Variants in CACNA1I observed in about 807,000 individuals in gnomAD.
CACNA1I encodes calcium voltage-gated channel subunit alpha1 I, also known as voltage-dependent T-type calcium channel subunit alpha-1I.
CACNA1I carries 74 observed loss-of-function variants against 201.6 expected under a neutral mutation model. The observed-to-expected ratio is 0.37, with a 90% CI of 0.30 to 0.45. The LOEUF (loss-of-function observed/expected upper bound fraction) is 0.45, where lower values mean the gene tolerates loss of function less well. Ranked by LOEUF, CACNA1I falls within the 20% of genes least tolerant of loss-of-function variation. The probability of loss-of-function intolerance (pLI) is 1.00; values close to 1 mark genes in which losing one functional copy is unlikely to be tolerated. For synonymous variants in CACNA1I, 1,431 were observed against 1,345.2 expected, an observed-to-expected ratio of 1.06 and a Z score of -1.40; for missense variants, 2,346 against 3,138.1, an observed-to-expected ratio of 0.75 and a Z score of 6.03.
chr22:39,629,006 C>T lies in CACNA1I; in HGVS notation c.581-5559C>T, dbSNP rs1490796276. Among the ~76,000 whole-genome samples the T allele has an allele frequency of 6.6e-6, 1 of 152,170 alleles. No individual in the cohort carries two copies. Among genetic ancestry groups the T allele is most frequent in the East Asian group, 1.9e-4 (1 of 5,174 alleles). Reference sequence around the variant, plus strand: ...CTGTCAGGAAGTGCTTCCTGTTCTTCCTGCCACCTCCTCTCAGGTGTCCCC... The same window carrying T: ...CTGTCAGGAAGTGCTTCCTGTTCTTTCTGCCACCTCCTCTCAGGTGTCCCC... On this transcript the variant is annotated intron_variant, in intron 4 of 36. Coordinates refer to ENST00000402142, the MANE Select transcript of CACNA1I (RefSeq NM_021096.4). This position sits in a 1 kb window ranked among gnomAD's most constrained non-coding sequence, Gnocchi z 4.8.
At chr22:39,652,039 CT>C (rs136833) in intron 10 of CACNA1I, among the ~76,000 whole-genome samples, 65 of 145,426 alleles carry the variant, frequency 4.5e-4, no homozygotes, top group Non-Finnish European at 5.6e-4. Flanking sequence ...CTGGTGGAGC[CT>C]TTTTTTTTTT....
At chr22:39,644,714 G>A in intron 7 of CACNA1I, among the ~76,000 whole-genome samples, 1 of 151,348 alleles carries the variant, frequency 6.6e-6, no homozygotes, top group Non-Finnish European at 1.5e-5. Context: ...TAGAGACAAG[G>A]TCTGGCTCTG....
intron 2 of CACNA1I, 120 bp downstream of exon 2, chr22:39,598,382 G>C (rs563727625): frequency 3.5e-6 from 2 of 565,870 alleles, no homozygotes; most frequent in Non-Finnish European, 3.1e-6. Flanking sequence ...TCCATGCCCC[G>C]CCCCGCTCCG....
At chr22:39,655,427 G>A (rs1934787250) in intron 10 of CACNA1I, among the ~76,000 whole-genome samples, 1 of 152,178 alleles carries the variant, frequency 6.6e-6, no homozygotes, top group African/African-American at 2.4e-5. Flanking sequence ...CAGCCCTTCA[G>A]CATGTCTGCC....
intron 4 of CACNA1I, among the ~76,000 whole-genome samples, chr22:39,623,483 T>G (rs1311115002): frequency 6.6e-6 from 1 of 150,824 alleles, no homozygotes; most frequent in Non-Finnish European, 1.5e-5. Context: ...GTGCTGTGTC[T>G]GCCTGGGAGG....
At position 39,673,087 on chromosome 22, in the gene CACNA1I, G is replaced by A; in HGVS notation, c.4783+5G>A. 1 of 1,612,190 alleles carries A rather than the reference G, an allele frequency of 6.2e-7. No individual in the cohort carries two copies. The highest frequency in any genetic ancestry group is 8.5e-7 in the Non-Finnish European group (1 of 1,178,926). On this transcript the variant is annotated splice_donor_5th_base_variant and intron_variant, in intron 28 of 36. Coordinates refer to ENST00000402142, the MANE Select transcript of CACNA1I (RefSeq NM_021096.4). ...GGGTTCTGCGCATTGCCCGAGGTGA[G>A]GGGCAAGGGGTGGGACAGGGAACGG...
intron 1 of CACNA1I, among the ~76,000 whole-genome samples, chr22:39,583,221 AATCC>A (rs151147807): frequency 1.8e-5 from 2 of 113,430 alleles, no homozygotes; most frequent in Non-Finnish European, 3.8e-5. Flanking sequence ...TCCATCCAAC[AATCC>A]ATCCATCCAT....
chr22:39,586,170 C>A (rs1932748065), intron 1 of CACNA1I, among the ~76,000 whole-genome samples: 1 of 151,262 alleles, frequency 6.6e-6, no homozygotes, highest in Middle Eastern at 3.2e-3. Flanking sequence ...GAGCAAGACT[C>A]CATCTCAAAA....
rs542066979 is a variant in CACNA1I at position 39,603,798 on chromosome 22, C to T, written c.482+3145C>T. 7.9e-5 allele frequency among the ~76,000 whole-genome samples: 12 copies of T among 152,186 alleles called. 1 individual carries two copies. Among genetic ancestry groups the T allele is most frequent in the South Asian group, 6.2e-4 (3 of 4,818 alleles). The stretch of plus-strand genomic sequence containing the variant: ...TCAGCAGAATTAGGAAAACAGACAT[C>T]GGAGAAAGAATGTAGGAAGAAAGTG... On this transcript the variant is annotated intron_variant, in intron 3 of 36. Coordinates refer to ENST00000402142, the MANE Select transcript of CACNA1I (RefSeq NM_021096.4).
In CACNA1I at chr22:39,662,760, G is replaced by T; in HGVS notation, c.3373-16G>T. 2 of 1,548,778 alleles carry T rather than the reference G, an allele frequency of 1.3e-6. No individual in the cohort carries two copies. Among genetic ancestry groups the T allele is most frequent in the Non-Finnish European group, 8.8e-7 (1 of 1,142,446 alleles). On this transcript the variant is annotated splice_polypyrimidine_tract_variant and intron_variant, in intron 17 of 36. Transcript: ENST00000402142. ...GCGCATCGCTGACCCCCGGCGCTCC[G>T]TCCTCCTCTTGCTAGACCCTGTGCT...
At chr22:39,578,680 C>T (rs1932443987) in intron 1 of CACNA1I, among the ~76,000 whole-genome samples, 1 of 152,120 alleles carries the variant, frequency 6.6e-6, no homozygotes, top group African/African-American at 2.4e-5. Flanking sequence ...CCCTGCTCCA[C>T]TGCTCCCTGC....
chr22:39,638,331 A>G (rs538802786), intron 5 of CACNA1I, among the ~76,000 whole-genome samples: 1 of 152,326 alleles, frequency 6.6e-6, no homozygotes, highest in East Asian at 1.9e-4. Context: ...TCTCCACTGA[A>G]TTGCAGGGGT....
At chr22:39,592,984 C>A (rs545073652) in intron 1 of CACNA1I, among the ~76,000 whole-genome samples, 1 of 152,352 alleles carries the variant, frequency 6.6e-6, no homozygotes, top group African/African-American at 2.4e-5. Context: ...TCTGGCCTGA[C>A]TTCTAAGCCT....
At position 39,659,360 on chromosome 22, in the gene CACNA1I, C is replaced by T; in HGVS notation, c.2331-73C>T. ...CCTGCCCTGCATTTTACTGAGTTGACTGAGAATGAAACAAGGTGAGTAGGC... is the reference window on the plus strand; with the variant it reads ...CCTGCCCTGCATTTTACTGAGTTGATTGAGAATGAAACAAGGTGAGTAGGC... On this transcript the variant is annotated intron_variant, in intron 12 of 36. Coordinates refer to ENST00000402142, the MANE Select transcript of CACNA1I (RefSeq NM_021096.4). The surrounding 1 kb of genome is among the most constrained non-coding windows in gnomAD (Gnocchi z 4.3). 1 of 1,108,936 alleles carries T rather than the reference C, an allele frequency of 9.0e-7. No individual in the cohort carries two copies. Among genetic ancestry groups the T allele is most frequent in the Non-Finnish European group, 1.3e-6 (1 of 746,590 alleles). The allele number at this position is 1,108,936 out of a possible 1,614,324, so 68.7% of individuals were successfully genotyped here.
intron 25 of CACNA1I, 124 bp from the exon 26 acceptor site, chr22:39,670,679 G>T (rs2039600393): frequency 1.2e-5 from 11 of 881,742 alleles, no homozygotes; most frequent in Non-Finnish European, 2.0e-5. Flanking sequence ...AGGGCCTGGG[G>T]TGGATCAACA....
intron 1 of CACNA1I, among the ~76,000 whole-genome samples, chr22:39,596,191 T>G (rs1196947516): frequency 3.5e-4 from 1 of 2,832 alleles, no homozygotes; most frequent in African/African-American, 1.4e-3. Context: ...CGGAGGGAGA[T>G]GGGGGGGCAG....
Position 39,685,385 on chromosome 22 carries a change from G to C in CACNA1I, c.6028-376G>C, listed in dbSNP as rs1935828385. On this transcript the variant is annotated intron_variant, in intron 36 of 36. Transcript: ENST00000402142. The surrounding 1 kb of genome is among the most constrained non-coding windows in gnomAD (Gnocchi z 5.0). ...GGGGCCGGAGCAAGTGGGAGGGACC[G>C]GAACCAGTGGGAGCAGCCAAGGCTG... Among the ~76,000 whole-genome samples, 1 of 150,256 alleles carries C rather than the reference G, an allele frequency of 6.7e-6. No individual in the cohort carries two copies. Among genetic ancestry groups the C allele is most frequent in the Admixed American group, 6.6e-5 (1 of 15,144 alleles).
intron 3 of CACNA1I, among the ~76,000 whole-genome samples, chr22:39,614,509 G>T (rs1203286829): frequency 6.6e-6 from 1 of 152,242 alleles, no homozygotes; most frequent in African/African-American, 2.4e-5. Context: ...GAGCCAAGGT[G>T]GCCTCCGGGT....
intron 4 of CACNA1I, among the ~76,000 whole-genome samples, chr22:39,625,252 C>T (rs1933866075): frequency 6.6e-6 from 1 of 152,104 alleles, no homozygotes; most frequent in South Asian, 2.1e-4. Flanking sequence ...AGTCTCATTT[C>T]TAGAGGGCAA....
Sources: allele counts gnomAD v4.1 joint callset (sites outside exome capture counted in the v4.1 genomes callset), GRCh38; gene constraint gnomAD v4.1.1; non-coding constraint Gnocchi (gnomAD v3.1); transcripts MANE v1.5; gene names NCBI Gene and HGNC (gene_info 2026-07-23, HGNC 2026-07-21).